MEGF11: variants seen among roughly 807,000 people sequenced by gnomAD.
MEGF11 encodes multiple EGF like domains 11.
In MEGF11, 126 loss-of-function variants were observed where a neutral mutation model predicts 146.6. The observed-to-expected ratio is 0.86, with a 90% CI of 0.74 to 1.00. The LOEUF (loss-of-function observed/expected upper bound fraction) is 1.00, where lower values mean the gene tolerates loss of function less well. Among genes scored for constraint, MEGF11 ranks in the 50% least tolerant of loss-of-function variants. The pLI is 0.00. For synonymous variants in MEGF11, 532 were observed against 583.4 expected, an observed-to-expected ratio of 0.91 and a Z score of 1.27; for missense variants, 1,509 against 1,521.2, an observed-to-expected ratio of 0.99 and a Z score of 0.13.
At chr15:65,930,673 C>G in intron 11 of MEGF11, 150 bp downstream of exon 11, 1 of 949,938 alleles carries the variant, frequency 1.1e-6, no homozygotes, top group Admixed American at 3.0e-5. Flanking sequence ...CATGGGTTTT[C>G]TTGCCTGGAA....
chr15:66,119,794 G>A (rs1454300593), intron 3 of MEGF11, among the ~76,000 whole-genome samples: 2 of 152,126 alleles, frequency 1.3e-5, no homozygotes, highest in Non-Finnish European at 1.5e-5. Context: ...CCTTCACCCT[G>A]CAAAGGAAGA....
chr15:66,245,528 A>T (rs544694124), intron 1 of MEGF11, among the ~76,000 whole-genome samples: 9 of 152,040 alleles, frequency 5.9e-5, no homozygotes, highest in Non-Finnish European at 1.2e-4. Context: ...GCTACCCTGG[A>T]GGCTGAGGCG....
intron 5 of MEGF11, among the ~76,000 whole-genome samples, chr15:66,033,552 G>A (rs528928150): frequency 5.3e-5 from 8 of 152,320 alleles, no homozygotes; most frequent in Admixed American, 1.3e-4. Context: ...CAGAGTGTGT[G>A]CACTGTGGGG....
rs28653086 is a variant in MEGF11 at position 65,914,048 on chromosome 15, G to T, written c.2474-75C>A. 2.7e-3 allele frequency: 2,989 copies of T among 1,121,128 alleles called. 56 individuals are homozygous for T. In the African/African-American group the frequency reaches 0.038, roughly 14 times the overall value. The allele number at this position is 1,121,128 out of a possible 1,614,324, so 69.4% of individuals were successfully genotyped here. ...AGGTCTCCTGGGCCTGGGTTCAGAT[G>T]CGTGTAACCCCTCTAATGTTAGGAG... is the stretch of plus-strand genomic sequence containing the variant. On this transcript the variant is annotated intron_variant, in intron 19 of 25. Coordinates refer to ENST00000395614, the MANE Select transcript of MEGF11 (RefSeq NM_001385028.1).
chr15:66,042,353 G>T (rs1008704494), intron 5 of MEGF11, among the ~76,000 whole-genome samples: 1 of 152,010 alleles, frequency 6.6e-6, no homozygotes, highest in Non-Finnish European at 1.5e-5. Flanking sequence ...CAAGTGATCT[G>T]CCCACTTCGG....
intron 5 of MEGF11, among the ~76,000 whole-genome samples, chr15:65,999,439 A>G (rs1032871125): frequency 6.6e-6 from 1 of 152,138 alleles, no homozygotes; most frequent in Non-Finnish European, 1.5e-5. Flanking sequence ...CTCCTTAGAG[A>G]AGCTTCAAGA....
At chr15:65,970,928 G>A (rs1266873911) in intron 7 of MEGF11, 2 of 558,002 alleles carry the variant, frequency 3.6e-6, no homozygotes, top group East Asian at 6.1e-5. Context: ...GAGGTGCTGT[G>A]TGAGACACTA....
At chr15:65,907,787 C>A (rs1440458335) in intron 23 of MEGF11, among the ~76,000 whole-genome samples, 3 of 152,248 alleles carry the variant, frequency 2.0e-5, no homozygotes, top group South Asian at 4.1e-4. Flanking sequence ...CAAAGAGCAA[C>A]AGTGGCTTGT....
intron 5 of MEGF11, among the ~76,000 whole-genome samples, chr15:65,996,945 C>A (rs908072120): frequency 6.6e-6 from 1 of 152,234 alleles, no homozygotes; most frequent in African/African-American, 2.4e-5. Context: ...CCAGCATTCT[C>A]CATGGCGCCA....
At chr15:66,041,956 C>T (rs1184919550) in intron 5 of MEGF11, among the ~76,000 whole-genome samples, 1 of 152,168 alleles carries the variant, frequency 6.6e-6, no homozygotes, top group Non-Finnish European at 1.5e-5. Flanking sequence ...TCCTGCCTCT[C>T]TTGACCCTTA....
At chr15:66,108,091 G>A (rs928923482) in intron 4 of MEGF11, among the ~76,000 whole-genome samples, 5 of 152,198 alleles carry the variant, frequency 3.3e-5, no homozygotes, top group African/African-American at 9.7e-5. Flanking sequence ...CAGCCTGCAC[G>A]AAGCCCCAGG....
At chr15:65,999,926 G>A (rs1164172663) in intron 5 of MEGF11, among the ~76,000 whole-genome samples, 21 of 152,202 alleles carry the variant, frequency 1.4e-4, no homozygotes, top group Admixed American at 1.0e-3. Flanking sequence ...TTCCCCAGAA[G>A]CAGACCCTGA....
chr15:65,977,788 A>G (rs1027587051), intron 7 of MEGF11, among the ~76,000 whole-genome samples: 1 of 151,856 alleles, frequency 6.6e-6, no homozygotes, highest in Non-Finnish European at 1.5e-5. Context: ...GCATGTAGGC[A>G]CACACACACT....
At chr15:66,143,071 G>A (rs1401595811) in intron 1 of MEGF11, among the ~76,000 whole-genome samples, 2 of 152,218 alleles carry the variant, frequency 1.3e-5, no homozygotes, top group Non-Finnish European at 2.9e-5. Context: ...CATGAGCAGG[G>A]AGGGGTGCGT....
chr15:65,986,637 A>C (rs1285070222), intron 5 of MEGF11, among the ~76,000 whole-genome samples: 1 of 152,168 alleles, frequency 6.6e-6, no homozygotes, highest in Non-Finnish European at 1.5e-5. Context: ...GGTGACTAAA[A>C]ACTACCATCA....
chr15:65,979,971 C>T (rs999262310), intron 7 of MEGF11, among the ~76,000 whole-genome samples: 4 of 152,156 alleles, frequency 2.6e-5, no homozygotes, highest in Non-Finnish European at 1.5e-5. Flanking sequence ...GAGACCTGGG[C>T]TGCTTCAGGC....
intron 5 of MEGF11, among the ~76,000 whole-genome samples, chr15:66,072,430 C>A (rs1186215800): frequency 6.6e-6 from 1 of 152,172 alleles, no homozygotes; most frequent in Non-Finnish European, 1.5e-5. Context: ...GCATTTATCA[C>A]CAATTGAAAT....
intron 1 of MEGF11, among the ~76,000 whole-genome samples, chr15:66,141,285 TGTGTGAGA>T (rs2089151151): frequency 4.6e-5 from 4 of 86,718 alleles, no homozygotes; most frequent in Admixed American, 1.3e-4. Context: ...TGTGTGTGTG[TGTGTGAGA>T]GAGAGAGAGA....
At position 66,144,350 on chromosome 15, in the gene MEGF11, G is replaced by C. The variant is rs558915248; in HGVS notation, c.-8-15939C>G. Among the ~76,000 whole-genome samples the C allele has an allele frequency of 9.1e-4, 138 of 152,250 alleles. 1 individual carries two copies. The highest frequency in any genetic ancestry group is 3.4e-3 in the Middle Eastern group (1 of 294). ...TGAGAGCAAGGGCATCAACAGGAAA[G>C]CCCACCAAGGGGATGACCTTGTTCT... On this transcript the variant is annotated intron_variant, in intron 1 of 25. Transcript: ENST00000395614.
Sources: gnomAD v4.1 joint callset for allele counts (sites outside exome capture counted in the v4.1 genomes callset) on GRCh38, gnomAD v4.1.1 for gene constraint, MANE v1.5 for transcripts, NCBI Gene and HGNC (gene_info 2026-07-23, HGNC 2026-07-21) for gene names.